The following NGEF variants were observed in gnomAD, a reference collection of about 807,000 sequenced individuals.
NGEF encodes neuronal guanine nucleotide exchange factor, also known as ephexin-1.
NGEF carries 31 observed loss-of-function variants against 80.9 expected under a neutral mutation model. That is an observed-to-expected ratio of 0.38 (90% CI 0.29 to 0.52). The LOEUF (loss-of-function observed/expected upper bound fraction) is 0.52, where lower values mean the gene tolerates loss of function less well. Ranked by LOEUF, NGEF falls within the 20% of genes least tolerant of loss-of-function variation. The pLI, the probability that NGEF is intolerant of heterozygous loss-of-function variation, is 0.84. For synonymous variants in NGEF, 371 were observed against 370.2 expected, an observed-to-expected ratio of 1.00 and a Z score of -0.03; for missense variants, 709 against 926.2, an observed-to-expected ratio of 0.77 and a Z score of 3.04.
At chr2:232,922,172 T>G (rs889623213) in intron 4 of NGEF, among the ~76,000 whole-genome samples, 1 of 152,236 alleles carries the variant, frequency 6.6e-6, no homozygotes, top group Admixed American at 6.5e-5. Context: ...GACAAGCACT[T>G]GCTCTTACAA....
At chr2:232,939,034 T>G (rs1693386598) in intron 3 of NGEF, among the ~76,000 whole-genome samples, 1 of 151,430 alleles carries the variant, frequency 6.6e-6, no homozygotes, top group South Asian at 2.1e-4. Flanking sequence ...AAAAATTAGC[T>G]GGGTATGGTG....
chr2:232,956,023 A>T (rs1024192600), intron 3 of NGEF, among the ~76,000 whole-genome samples: 1 of 152,166 alleles, frequency 6.6e-6, no homozygotes, highest in Non-Finnish European at 1.5e-5. Context: ...AATCTCCCCC[A>T]AACGTGACTG....
At chr2:232,945,832 T>C (rs989172226) in intron 3 of NGEF, among the ~76,000 whole-genome samples, 1 of 148,798 alleles carries the variant, frequency 6.7e-6, no homozygotes, top group African/African-American at 2.5e-5. Context: ...TGTGCATTTG[T>C]AGAATAGAGC....
chr2:232,918,150 G>A (rs74385727), intron 5 of NGEF, among the ~76,000 whole-genome samples: 3 of 152,212 alleles, frequency 2.0e-5, no homozygotes, highest in African/African-American at 7.2e-5. Context: ...TAAATACGGG[G>A]TTTCACCACA....
chr2:232,964,997 C>T (rs1486512324), intron 3 of NGEF, among the ~76,000 whole-genome samples: 10 of 152,220 alleles, frequency 6.6e-5, no homozygotes, highest in Non-Finnish European at 2.9e-5. Context: ...CATCAAGCTA[C>T]AGACCCAAGA....
chr2:232,885,374 G>T lies in NGEF; in HGVS notation c.1348-5C>A. The T allele has an allele frequency of 6.2e-7, 1 of 1,613,508 alleles. No individual in the cohort carries two copies. Among genetic ancestry groups the T allele is most frequent in the Non-Finnish European group, 8.5e-7 (1 of 1,179,550 alleles). ...CTCGTTGCATGCCTTCACCACCTGG[G>T]ACAAGAAGGAGGGCACATCAGGCCA... On this transcript the variant is annotated splice_polypyrimidine_tract_variant and splice_region_variant and intron_variant, in intron 9 of 14. Transcript: ENST00000264051.
chr2:232,884,283 CGA>C, intron 10 of NGEF, 139 bp from the exon 11 acceptor site: 2 of 949,062 alleles, frequency 2.1e-6, no homozygotes, highest in Non-Finnish European at 3.0e-6. Context: ...GGGGAAAGGC[CGA>C]GTTCTGGACG....
At position 232,968,093 on chromosome 2, in the gene NGEF, C is replaced by CT. The variant is rs1274944227; in HGVS notation, c.383+2120dup. Among the ~76,000 whole-genome samples the CT allele has an allele frequency of 2.3e-3, 288 of 125,730 alleles. 16 individuals are homozygous for CT. The highest frequency in any genetic ancestry group is 5.3e-3 in the African/African-American group (156 of 29,682). 82.5% of individuals were successfully genotyped at this position (125,730 alleles called of 152,430 possible). A position where few individuals can be genotyped will look rare whatever the true frequency, so the allele number is the denominator to read the frequency against. The stretch of plus-strand genomic sequence containing the variant: ...TTGCTGAGGGCAGAAACAGACCTGG[C>CT]TTTTTTTTTTTTGAGACAAAGTTTC... On this transcript the variant is annotated intron_variant, in intron 3 of 14. Transcript: ENST00000264051.
intron 3 of NGEF, among the ~76,000 whole-genome samples, chr2:232,935,659 A>G (rs1693312996): frequency 6.6e-6 from 1 of 152,190 alleles, no homozygotes; most frequent in South Asian, 2.1e-4. Context: ...TAGCTAGCTA[A>G]TGGCAGCTCT....
intron 1 of NGEF, among the ~76,000 whole-genome samples, chr2:232,988,243 A>T (rs984503106): frequency 1.3e-5 from 2 of 152,174 alleles, no homozygotes; most frequent in Non-Finnish European, 2.9e-5. Context: ...GCCACTCCCC[A>T]AACTGTCTGC....
chr2:232,948,765 C>T (rs1472216650), intron 3 of NGEF, among the ~76,000 whole-genome samples: 2 of 152,158 alleles, frequency 1.3e-5, no homozygotes, highest in Non-Finnish European at 2.9e-5. Flanking sequence ...CGCCTGTAAT[C>T]CCAGCACTTT....
At chr2:232,932,163 C>CTTTCTTTTT (rs746614067) in intron 3 of NGEF, among the ~76,000 whole-genome samples, 1 of 115,590 alleles carries the variant, frequency 8.7e-6, no homozygotes, top group Non-Finnish European at 1.7e-5. Context: ...AATCACCTTT[C>CTTTCTTTTT]TTTTTTTTTT....
chr2:233,002,592 C>T (rs933492745), intron 1 of NGEF, among the ~76,000 whole-genome samples: 1 of 152,074 alleles, frequency 6.6e-6, no homozygotes, highest in African/African-American at 2.4e-5. Context: ...TGGGAGAATT[C>T]CTGGAGCCCA....
At chr2:232,927,272 G>T (rs1248302995) in intron 3 of NGEF, 86 bp from the exon 4 acceptor site, 5 of 1,419,620 alleles carry the variant, frequency 3.5e-6, no homozygotes, top group Non-Finnish European at 3.7e-6. Context: ...GCGCACAGGC[G>T]GCTGCTAGCC....
At chr2:232,972,744 C>G (rs893256195) in intron 2 of NGEF, among the ~76,000 whole-genome samples, 1 of 123,322 alleles carries the variant, frequency 8.1e-6, no homozygotes, top group Non-Finnish European at 1.7e-5. Flanking sequence ...TGTCCTTATC[C>G]TTTTTTTTTT....
intron 3 of NGEF, among the ~76,000 whole-genome samples, chr2:232,944,196 T>G (rs1452344831): frequency 2.0e-5 from 3 of 151,648 alleles, no homozygotes; most frequent in Admixed American, 6.6e-5. Flanking sequence ...ATCGCACCAC[T>G]GCACTCCAGC....
At chr2:233,004,751 A>C (rs1489484622) in intron 1 of NGEF, among the ~76,000 whole-genome samples, 1 of 142,448 alleles carries the variant, frequency 7.0e-6, no homozygotes, top group African/African-American at 2.6e-5. Flanking sequence ...CTCACCCCCC[A>C]TCGCTGAGAA....
chr2:232,944,007 C>T (rs570135606), intron 3 of NGEF, among the ~76,000 whole-genome samples: 20 of 151,732 alleles, frequency 1.3e-4, no homozygotes, highest in Admixed American at 1.0e-3. Context: ...CCGAGGCCGG[C>T]GGATCACCTG....
At chr2:232,999,053 A>G (rs545050426) in intron 1 of NGEF, among the ~76,000 whole-genome samples, 1 of 152,014 alleles carries the variant, frequency 6.6e-6, no homozygotes, top group South Asian at 2.1e-4. Flanking sequence ...GGAATTTTCT[A>G]ACATCCCCCA....
Sources: allele counts gnomAD v4.1 joint callset (sites outside exome capture counted in the v4.1 genomes callset), GRCh38; gene constraint gnomAD v4.1.1; transcripts MANE v1.5; gene names NCBI Gene and HGNC (gene_info 2026-07-23, HGNC 2026-07-21).